The following SIL1 variants were observed in gnomAD, a reference collection of about 807,000 sequenced individuals.
SIL1 encodes nucleotide exchange factor SIL1.
In SIL1, 40 loss-of-function variants were observed where a neutral mutation model predicts 49.1. The ratio of observed to expected loss-of-function variants is 0.81; its 90% confidence interval spans 0.63 to 1.06. The LOEUF (loss-of-function observed/expected upper bound fraction) is 1.06, where lower values mean the gene tolerates loss of function less well. SIL1 is among the 50% of genes least tolerant of loss of function. The pLI is 0.00. For synonymous variants in SIL1, 253 were observed against 250.8 expected, an observed-to-expected ratio of 1.01 and a Z score of -0.08; for missense variants, 500 against 572.6, an observed-to-expected ratio of 0.87 and a Z score of 1.29.
chr5:138,990,819 G>A (rs1472641205), intron 7 of SIL1, among the ~76,000 whole-genome samples: 2 of 152,164 alleles, frequency 1.3e-5, no homozygotes, highest in African/African-American at 2.4e-5. Context: ...GGGTTCAAGC[G>A]ATTCTCCTGC....
At chr5:138,983,416 G>A (rs1767576656) in intron 7 of SIL1, among the ~76,000 whole-genome samples, 3 of 151,508 alleles carry the variant, frequency 2.0e-5, no homozygotes, top group Non-Finnish European at 4.4e-5. Context: ...GCTGAGGCAG[G>A]AGAATGGCGT....
At chr5:139,030,651 T>C (rs937144292) in intron 5 of SIL1, among the ~76,000 whole-genome samples, 1 of 150,582 alleles carries the variant, frequency 6.6e-6, no homozygotes, top group East Asian at 1.9e-4. Flanking sequence ...AAAAGAATTC[T>C]TTTTTTTGGG....
chr5:138,968,183 G>C (rs1341774178), intron 7 of SIL1, among the ~76,000 whole-genome samples: 1 of 152,094 alleles, frequency 6.6e-6, no homozygotes, highest in African/African-American at 2.4e-5. Context: ...CTGGGTTGCA[G>C]GTACCTTGGG....
chr5:139,036,693 T>A (rs1348083486), intron 5 of SIL1, among the ~76,000 whole-genome samples: 1 of 152,048 alleles, frequency 6.6e-6, no homozygotes, highest in Non-Finnish European at 1.5e-5. Context: ...CTGGGGCCTA[T>A]TGGGTGGAGG....
At chr5:139,103,678 T>G (rs1770640679) in intron 3 of SIL1, among the ~76,000 whole-genome samples, 1 of 152,074 alleles carries the variant, frequency 6.6e-6, no homozygotes, top group Non-Finnish European at 1.5e-5. Flanking sequence ...GGAAAGCAAA[T>G]TCTCACTCCC....
intron 1 of SIL1, among the ~76,000 whole-genome samples, chr5:139,185,014 C>T (rs193068651): frequency 9.2e-5 from 14 of 152,328 alleles, no homozygotes; most frequent in African/African-American, 2.4e-4. Flanking sequence ...AACATTGCTT[C>T]GATCAACATT....
intron 6 of SIL1, among the ~76,000 whole-genome samples, chr5:139,023,792 G>A (rs888060104): frequency 6.6e-6 from 1 of 152,208 alleles, no homozygotes; most frequent in Non-Finnish European, 1.5e-5. Flanking sequence ...GACTCGGGCC[G>A]AGTTGTGTCT....
intron 3 of SIL1, among the ~76,000 whole-genome samples, chr5:139,063,176 G>A (rs147004381): frequency 9.2e-5 from 14 of 152,358 alleles, no homozygotes; most frequent in East Asian, 1.9e-4. Flanking sequence ...GATTGAGACA[G>A]CAGTAAAGGA....
chr5:139,090,639 T>C (rs1382360725), intron 3 of SIL1, among the ~76,000 whole-genome samples: 1 of 152,152 alleles, frequency 6.6e-6, no homozygotes, highest in Non-Finnish European at 1.5e-5. Flanking sequence ...TTAGACAGGG[T>C]CTCGCTCTGT....
Position 139,090,617 on chromosome 5 carries a change from G to A in SIL1, c.244+30418C>T, listed in dbSNP as rs976727137. 2.6e-5 allele frequency among the ~76,000 whole-genome samples: 4 copies of A among 152,044 alleles called. No individual in the cohort carries two copies. In the East Asian group the frequency reaches 7.7e-4, roughly 29 times the overall value. ...GCAGCATCTCAAATCTATAGGGAAA[G>A]CACTTTCTTTTTTAGACAGGGTCTC... On this transcript the variant is annotated intron_variant, in intron 3 of 9. Coordinates refer to ENST00000394817, the MANE Select transcript of SIL1 (RefSeq NM_022464.5).
chr5:138,951,253 A>G lies in SIL1; in HGVS notation c.947T>C (p.Leu316Pro), dbSNP rs1036149274. 8 of 1,595,130 alleles carry G rather than the reference A, an allele frequency of 5.0e-6. No individual in the cohort carries two copies. The highest frequency in any genetic ancestry group is 6.0e-6 in the Non-Finnish European group (7 of 1,170,416). The change falls in exon 9 of 10, where the codon CTG (leucine) becomes CCG (proline). Residue 316 changes from leucine (L) to proline (P), a missense_variant. Physicochemically the swap from Leu to Pro is moderately conservative, Grantham distance 98. Transcript: ENST00000394817. ...QFLKLGGLQV[L>P]RTLVQEKGTE... ...GCCCTTCTCCTGCACCAGGGTCCTC[A>G]GGACCTGCAGCCCCCCGAGCTTCAG...
At chr5:139,155,448 T>TGAGTGAGAGAGAGAGAGAGAGAGAGA (rs1751386846) in intron 1 of SIL1, 1 of 125,910 alleles carries the variant, frequency 7.9e-6, no homozygotes, top group Non-Finnish European at 1.8e-5. Flanking sequence ...GTACACAGAG[T>TGAGTGAGAGAGAGAGAGAGAGAGAGA]GAGAGAGAGA....
intron 6 of SIL1, chr5:139,021,896 T>C (rs1768538176): frequency 1.1e-5 from 2 of 182,422 alleles, no homozygotes; most frequent in Non-Finnish European, 2.3e-5. Flanking sequence ...AAGGTTTCTG[T>C]CTAAGCCTGT....
chr5:139,182,793 A>C (rs566165593), intron 1 of SIL1, among the ~76,000 whole-genome samples: 36 of 152,290 alleles, frequency 2.4e-4, no homozygotes, highest in Middle Eastern at 6.8e-3. Context: ...ACACAGGAGC[A>C]GGGGGGTTGA....
At position 138,966,365 on chromosome 5, in the gene SIL1, G is replaced by A. The variant is rs564351289; in HGVS notation, c.768-14481C>T. Among the ~76,000 whole-genome samples, 808 of 152,252 alleles carry A rather than the reference G, an allele frequency of 5.3e-3. 1 individual carries two copies. The highest frequency in any genetic ancestry group is 9.3e-3 in the Non-Finnish European group (635 of 68,024). Reference sequence around the variant, plus strand: ...CTCCTGAGGAGTGGACCACCCGGCCGCCTTGCTCTCCTGGTGCCCCTTCCT... The same window carrying A: ...CTCCTGAGGAGTGGACCACCCGGCCACCTTGCTCTCCTGGTGCCCCTTCCT... On this transcript the variant is annotated intron_variant, in intron 7 of 9. Coordinates refer to ENST00000394817, the MANE Select transcript of SIL1 (RefSeq NM_022464.5).
intron 7 of SIL1, among the ~76,000 whole-genome samples, chr5:138,970,844 G>A (rs543230822): frequency 3.8e-4 from 58 of 152,058 alleles, no homozygotes; most frequent in Non-Finnish European, 6.5e-4. Context: ...GGAGGTTGCA[G>A]TGGGCCAAAA....
intron 3 of SIL1, among the ~76,000 whole-genome samples, chr5:139,054,614 T>A (rs982977080): frequency 6.6e-6 from 1 of 152,136 alleles, no homozygotes; most frequent in Non-Finnish European, 1.5e-5. Flanking sequence ...GTATTTAAAA[T>A]TTTCAAACTT....
At position 139,026,883 on chromosome 5, in the gene SIL1, A is replaced by G. The variant is rs1768667450; in HGVS notation, c.563T>C (p.Leu188Pro). Reference protein sequence around the residue: ...IETDMQIMVRLINKFNSSSSS... With the variant: ...IETDMQIMVRPINKFNSSSSS... ...GCTGGAACTATTGAACTTGTTGATC[A>G]GCCGTACCATGATCTGCATGTCAGT... Residue 188 changes from leucine (L) to proline (P), a missense_variant, in exon 6 of 10, where the codon CTG becomes CCG. Physicochemically the swap from Leu to Pro is moderately conservative, Grantham distance 98 (BLOSUM62 -3). Coordinates refer to ENST00000394817, the MANE Select transcript of SIL1 (RefSeq NM_022464.5). The G allele has an allele frequency of 6.2e-7, 1 of 1,614,228 alleles. No individual in the cohort carries two copies. The highest frequency in any genetic ancestry group is 8.5e-7 in the Non-Finnish European group (1 of 1,180,036).
chr5:139,121,242 T>G, intron 2 of SIL1, 69 bp from the exon 3 acceptor site: 6 of 1,592,700 alleles, frequency 3.8e-6, no homozygotes, highest in South Asian at 2.2e-5. Flanking sequence ...AAAAATGGCC[T>G]AGGGTGGCAC....
Sources: gnomAD v4.1 joint callset for allele counts (sites outside exome capture counted in the v4.1 genomes callset) on GRCh38, gnomAD v4.1.1 for gene constraint, MANE v1.5 for transcripts, NCBI Gene and HGNC (gene_info 2026-07-23, HGNC 2026-07-21) for gene names.